The following RIF1 variants were observed in gnomAD, a reference collection of about 807,000 sequenced individuals.
The protein encoded by RIF1 is telomere-associated protein RIF1.
Under a neutral mutation model 247.1 loss-of-function variants are expected in RIF1, and 45 were observed. That is an observed-to-expected ratio of 0.18 (90% CI 0.14 to 0.23). The LOEUF (loss-of-function observed/expected upper bound fraction) is 0.23, where lower values mean the gene tolerates loss of function less well. RIF1 is among the 10% of genes least tolerant of loss of function. The pLI, the probability that RIF1 is intolerant of heterozygous loss-of-function variation, is 1.00. For missense variants in RIF1, 2,967 were observed against 2,862.5 expected, an observed-to-expected ratio of 1.04 and a Z score of -0.83; for synonymous variants, 1,087 against 978.8, an observed-to-expected ratio of 1.11 and a Z score of -2.06.
At chr2:151,509,317 A>AGAT (rs1452723094), downstream of RIF1, among the ~76,000 whole-genome samples, 1 of 139,256 alleles carries the variant, frequency 7.2e-6, no homozygotes, top group African/African-American at 2.5e-5. Flanking sequence ...TTAGCTATGT[A>AGAT]GATGTAAGGA....
At chr2:151,444,717 C>T (rs1692958341) in intron 18 of RIF1, among the ~76,000 whole-genome samples, 1 of 152,080 alleles carries the variant, frequency 6.6e-6, no homozygotes, top group Non-Finnish European at 1.5e-5. Flanking sequence ...ATCCAGAGGC[C>T]CTTTTTATTG....
chr2:151,505,343 C>T (rs771556035), intron 12 of RIF1: 16 of 767,182 alleles, frequency 2.1e-5, no homozygotes, highest in Non-Finnish European at 3.5e-5. Flanking sequence ...GTGACCCCAT[C>T]AAGACTAAGG....
intron 20 of RIF1, among the ~76,000 whole-genome samples, chr2:151,449,987 G>T (rs562725802): frequency 6.6e-6 from 1 of 151,928 alleles, no homozygotes; most frequent in Non-Finnish European, 1.5e-5. Flanking sequence ...GATTAAAGGC[G>T]TGTGCCACCA....
At chr2:151,500,784 A>AGAT (rs1478002504) in intron 11 of RIF1, among the ~76,000 whole-genome samples, 1 of 151,882 alleles carries the variant, frequency 6.6e-6, no homozygotes, top group Non-Finnish European at 1.5e-5. Flanking sequence ...TTTTTAGCAG[A>AGAT]GATGGAATTT....
chr2:151,445,476 G>A (rs763414890), intron 19 of RIF1, 31 bp downstream of exon 19: 4 of 1,056,640 alleles, frequency 3.8e-6, no homozygotes, highest in Non-Finnish European at 5.9e-6. Context: ...GATTTCCGAG[G>A]GATTTGTATT....
At chr2:151,471,450 T>A (rs900767363) in intron 34 of RIF1, among the ~76,000 whole-genome samples, 3 of 152,226 alleles carry the variant, frequency 2.0e-5, no homozygotes, top group African/African-American at 4.8e-5. Flanking sequence ...TGCCCATGCC[T>A]ATGTCCCAAA....
chr2:151,437,126 ATCTT>A (rs1691372649), intron 12 of RIF1, 111 bp from the exon 13 acceptor site: 1 of 1,220,876 alleles, frequency 8.2e-7, no homozygotes, highest in Non-Finnish European at 1.1e-6. Flanking sequence ...TGAAATATGA[ATCTT>A]TTTTTTATAG....
the RIF1 span, chr2:151,519,115 G>T: frequency 8.3e-7 from 1 of 1,210,068 alleles, no homozygotes; most frequent in South Asian, 1.2e-5. Flanking sequence ...ATAGGAAATG[G>T]AACAGCACTA....
At chr2:151,493,638 GTTGTTT>G in intron 9 of RIF1, 1 of 825,034 alleles carries the variant, frequency 1.2e-6, no homozygotes, top group Non-Finnish European at 1.8e-6. Flanking sequence ...GGGTTGGTTT[GTTGTTT>G]TTAAGTGGAC....
At position 151,475,273 on chromosome 2, in the gene RIF1, T is replaced by C. The variant is rs368057276; in HGVS notation, c.*202T>C. 3.9e-4 allele frequency: 213 copies of C among 541,730 alleles called. 1 individual carries two copies. The highest frequency in any genetic ancestry group is 2.5e-3 in the African/African-American group (133 of 52,414). The allele number at this position is 541,730 out of a possible 1,614,324, so 33.6% of individuals were successfully genotyped here. A position where few individuals can be genotyped will look rare whatever the true frequency, so the allele number is the denominator to read the frequency against. The stretch of plus-strand genomic sequence containing the variant: ...TAAGATCCTTTTTTTTTTCATAATA[T>C]GTATTCTTGGCTGCTATGCGTGGTT... On this transcript the variant is annotated 3_prime_UTR_variant, in exon 36 of 36. Transcript: ENST00000444746.
At chr2:151,515,552 G>A in the RIF1 span, among the ~76,000 whole-genome samples, 1 of 152,050 alleles carries the variant, frequency 6.6e-6, no homozygotes, top group Non-Finnish European at 1.5e-5. Flanking sequence ...GCTTAGGTGG[G>A]CAGTGAGGCA....
chr2:151,458,923 G>T lies in RIF1; in HGVS notation c.2955+13G>T. 2 of 1,452,140 alleles carry T rather than the reference G, an allele frequency of 1.4e-6. No homozygotes were observed. The highest frequency in any genetic ancestry group is 9.6e-7 in the Non-Finnish European group (1 of 1,045,958). 90.0% of individuals were successfully genotyped at this position (1,452,140 alleles called of 1,614,324 possible). On this transcript the variant is annotated intron_variant, in intron 25 of 35. Coordinates refer to ENST00000444746, the MANE Select transcript of RIF1 (RefSeq NM_018151.5). ...ATATTCTGATGGAGTAAGTTGGGGG[G>T]TTTTATTGTTCATTTGTTTTTGGAC...
chr2:151,514,561 C>T, the RIF1 span: 2 of 749,530 alleles, frequency 2.7e-6, no homozygotes, highest in Non-Finnish European at 4.6e-6. Flanking sequence ...TGAATACAGG[C>T]AGGGTATAAG....
the RIF1 span, among the ~76,000 whole-genome samples, chr2:151,517,508 A>G: frequency 2.4e-4 from 37 of 152,324 alleles, no homozygotes; most frequent in Middle Eastern, 6.8e-3. Flanking sequence ...AGAATCTTCA[A>G]TTATAGTCAT....
the RIF1 span, among the ~76,000 whole-genome samples, chr2:151,516,054 T>C: frequency 1.3e-5 from 2 of 152,234 alleles, no homozygotes; most frequent in Admixed American, 1.3e-4. Context: ...GGGGTCTTGA[T>C]AAACATCTTG....
At chr2:151,530,897 G>A in the RIF1 span, 1 of 751,770 alleles carries the variant, frequency 1.3e-6, no homozygotes, top group Non-Finnish European at 2.2e-6. Context: ...TTTTAGGGTG[G>A]TTGTTACACA....
intron 27 of RIF1, among the ~76,000 whole-genome samples, chr2:151,461,693 C>T (rs1013921575): frequency 2.0e-5 from 3 of 151,782 alleles, no homozygotes; most frequent in Non-Finnish European, 4.4e-5. Flanking sequence ...CACCCGGCCA[C>T]GTGTACTAAA....
the RIF1 span, chr2:151,527,721 A>G: frequency 6.1e-6 from 4 of 650,736 alleles, no homozygotes; most frequent in East Asian, 1.2e-4. Context: ...GCCCCAATTG[A>G]AATTTCTGTA....
At position 151,446,498 on chromosome 2, in the gene RIF1, G is replaced by A. The variant is rs769319293; in HGVS notation, c.2167G>A (p.Ala723Thr). 1.9e-6 allele frequency: 3 copies of A among 1,613,506 alleles called. No homozygotes were observed. The highest frequency in any genetic ancestry group is 1.1e-5 in the South Asian group (1 of 90,892). ...RAFARCAALV[A>T]TAEENLCCEE... ...ATTTGCTCGTTGTGCTGCTTTGGTG[G>A]CAACAGCAGAAGAGAACTTGTGCTG... The change falls in exon 20 of 36, where the codon GCA becomes ACA. Residue 723 changes from alanine (A) to threonine (T), a missense_variant. This residue lies in a region of RIF1 where 76 missense variants were observed against 113.3 expected (regional missense o/e 0.67). Coordinates refer to ENST00000444746, the MANE Select transcript of RIF1 (RefSeq NM_018151.5).
Sources: allele counts gnomAD v4.1 joint callset (sites outside exome capture counted in the v4.1 genomes callset), GRCh38; gene constraint gnomAD v4.1.1; regional missense constraint gnomAD v4.1.1; transcripts MANE v1.5; gene names NCBI Gene and HGNC (gene_info 2026-07-23, HGNC 2026-07-21).